Variants in TARS2 observed in about 807,000 individuals in gnomAD.
TARS2 encodes threonine--tRNA ligase, mitochondrial.
Under a neutral mutation model 94.4 loss-of-function variants are expected in TARS2, and 61 were observed. The observed-to-expected ratio is 0.65, with a 90% CI of 0.53 to 0.80. TARS2 has a LOEUF of 0.80. Among genes scored for constraint, TARS2 ranks in the 30% least tolerant of loss-of-function variants. TARS2 has a pLI of 0.00. For synonymous variants in TARS2, 359 were observed against 353.4 expected (o/e 1.02, Z -0.18); for missense variants, 704 against 902.5 (o/e 0.78, Z 2.82).
Position 150,497,005 on chromosome 1 carries a change from G to T in TARS2, c.1020+97G>T, listed in dbSNP as rs921361383. The T allele has an allele frequency of 5.3e-6, 6 of 1,141,856 alleles. No homozygotes were observed. The South Asian group carries it at 5.6e-5, about 11-fold the overall frequency. 70.7% of individuals were successfully genotyped at this position (1,141,856 alleles called of 1,614,324 possible). On this transcript the variant is annotated intron_variant, in intron 9 of 17. Transcript: ENST00000369064. ...GTGTTAAAAGATGGGGGTTGGGGCCGGGCACAGTGGCTCACATCTATAATC... is the reference window on the plus strand; with the variant it reads ...GTGTTAAAAGATGGGGGTTGGGGCCTGGCACAGTGGCTCACATCTATAATC...
At chr1:150,496,939 A>G in intron 9 of TARS2, 31 bp downstream of exon 9, 7 of 1,605,688 alleles carry the variant, frequency 4.4e-6, no homozygotes, top group Non-Finnish European at 6.0e-6. Context: ...AGGAAAGAAG[A>G]CCAGGGAGGG....
intron 7 of TARS2, 94 bp from the exon 8 acceptor site, chr1:150,496,388 G>GTGA: frequency 2.8e-6 from 4 of 1,443,190 alleles, no homozygotes; most frequent in Non-Finnish European, 3.7e-6. Flanking sequence ...AGGCATACCT[G>GTGA]TGACACTTAA....
At chr1:150,503,609 GTA>G (rs748011030) in intron 13 of TARS2, among the ~76,000 whole-genome samples, 3,759 of 131,332 alleles carry the variant, frequency 0.029, 111 homozygotes, top group Middle Eastern at 0.085. Flanking sequence ...GTGTATGTGT[GTA>G]TATATATGTG....
At chr1:150,503,603 AT>A (rs1560257380) in intron 13 of TARS2, among the ~76,000 whole-genome samples, 3 of 81,456 alleles carry the variant, frequency 3.7e-5, no homozygotes, top group Middle Eastern at 0.013. Flanking sequence ...GTGTGTGTGT[AT>A]GTGTGTATAT....
chr1:150,492,922 G>A (rs1401332024), intron 7 of TARS2, among the ~76,000 whole-genome samples: 2 of 148,832 alleles, frequency 1.3e-5, no homozygotes, highest in African/African-American at 2.5e-5. Flanking sequence ...TCTCTCGGTC[G>A]CCCAGGCTGG....
chr1:150,504,878 T>C (rs755805871), intron 15 of TARS2, 28 bp from the exon 16 acceptor site: 65 of 1,609,000 alleles, frequency 4.0e-5, no homozygotes, highest in Non-Finnish European at 5.4e-5. Flanking sequence ...AGTGACTAAT[T>C]TGCCATCACC....
chr1:150,493,228 A>G (rs981964871), intron 7 of TARS2, among the ~76,000 whole-genome samples: 1 of 152,050 alleles, frequency 6.6e-6, no homozygotes, highest in Non-Finnish European at 1.5e-5. Flanking sequence ...CCCACATTCT[A>G]AAAACCCGTT....
At chr1:150,492,230 C>T (rs1669428518) in intron 6 of TARS2, 181 bp from the exon 7 acceptor site, 2 of 572,486 alleles carry the variant, frequency 3.5e-6, no homozygotes, top group South Asian at 3.9e-5. Flanking sequence ...TCCCAAAGTT[C>T]TGGGATTATA....
At chr1:150,487,710 C>A in intron 1 of TARS2, 148 bp from the exon 2 acceptor site, 2 of 1,267,774 alleles carry the variant, frequency 1.6e-6, no homozygotes, top group South Asian at 1.4e-5. Flanking sequence ...CTCGAAGGAC[C>A]CCCAGCCTAG....
chr1:150,506,802 G>T, intron 17 of TARS2, 114 bp from the exon 18 acceptor site: 1 of 1,384,446 alleles, frequency 7.2e-7, no homozygotes. Context: ...CCATATCTGG[G>T]CTCTGCTCCC....
chr1:150,496,842 C>G lies in TARS2; in HGVS notation c.954C>G (p.Ser318Arg). ...AGCTCTTCTTCTTCCATGAACTGAG[C>G]CCTGGGAGCTGCTTCTTCCTGCCAC... ...EQELFFFHEL[S>R]PGSCFFLPRG... The change falls in exon 9 of 18, where the codon AGC becomes AGG. Residue 318 changes from serine to arginine, a missense_variant. This residue lies in a region of TARS2 where 466 missense variants were observed against 609.5 expected (regional missense o/e 0.76). Coordinates refer to ENST00000369064, the MANE Select transcript of TARS2 (RefSeq NM_025150.5). The G allele has an allele frequency of 6.2e-7, 1 of 1,614,018 alleles. No homozygotes were observed.
chr1:150,505,647 A>G lies in TARS2; in HGVS notation c.1950A>G (p.Gly650=). The G allele has an allele frequency of 1.2e-6, 2 of 1,614,134 alleles. No individual in the cohort carries two copies. Among genetic ancestry groups the G allele is most frequent in the Non-Finnish European group, 1.7e-6 (2 of 1,180,020 alleles). Reference sequence around the variant, plus strand: ...TCAGTGACCTGGATGCAGACTCTGGACTGACCCTCAGCCGGAGAATCCGCC... The same window carrying G: ...TCAGTGACCTGGATGCAGACTCTGGGCTGACCCTCAGCCGGAGAATCCGCC... ...GLVSDLDADS[G]LTLSRRIRRA... Residue 650 remains glycine, a synonymous_variant, in exon 17 of 18, where the codon GGA becomes GGG. Transcript: ENST00000369064.
chr1:150,501,403 C>T (rs950256585), intron 13 of TARS2, among the ~76,000 whole-genome samples: 5 of 147,052 alleles, frequency 3.4e-5, no homozygotes, highest in South Asian at 2.2e-4. Flanking sequence ...CTGCAAGCTC[C>T]GCCTCCTGGA....
At chr1:150,498,772 G>C (rs1335528986) in intron 11 of TARS2, 108 bp downstream of exon 11, 2 of 1,606,098 alleles carry the variant, frequency 1.2e-6, no homozygotes, top group African/African-American at 2.7e-5. Flanking sequence ...CTATAATTCA[G>C]CTACATTCTA....
intron 13 of TARS2, among the ~76,000 whole-genome samples, chr1:150,502,603 G>A (rs780672358): frequency 2.6e-5 from 4 of 152,014 alleles, no homozygotes; most frequent in Non-Finnish European, 5.9e-5. Context: ...TGGCCAGGCT[G>A]GTCTCGAACT....
In TARS2 at chr1:150,504,650, G is replaced by A. The variant is rs1670117554; in HGVS notation, c.1737G>A (p.Glu579=). ...TTTCAAGGCAGGCGGGTGCCCTGGA[G>A]CGTCCAGTCCTCATTCACCGAGCAG... The part of the protein sequence containing the change: ...LQYKGQAGAL[E]RPVLIHRAVL... Residue 579 remains glutamate, a synonymous_variant, in exon 15 of 18, where the codon GAG becomes GAA. Transcript: ENST00000369064. The A allele has an allele frequency of 1.9e-6, 3 of 1,614,126 alleles. No individual in the cohort carries two copies. The highest frequency in any genetic ancestry group is 2.5e-6 in the Non-Finnish European group (3 of 1,180,032).
Position 150,504,985 on chromosome 1 carries a change from AG to A in TARS2, c.1893+8del, listed in dbSNP as rs750881069. 1 of 1,613,856 alleles carries A rather than the reference AG, an allele frequency of 6.2e-7. No homozygotes were observed. The highest frequency in any genetic ancestry group is 8.5e-7 in the Non-Finnish European group (1 of 1,179,972). On this transcript the variant is annotated splice_region_variant and intron_variant, in intron 16 of 17. Coordinates refer to ENST00000369064, the MANE Select transcript of TARS2 (RefSeq NM_025150.5). ...AGAGGAATACGCCAAAGAGGTAAGG[AG>A]TTGAGGTAAGGGAGGGGGCAGAAGC...
At chr1:150,490,114 CTTTTT>C (rs772454527) in intron 3 of TARS2, among the ~76,000 whole-genome samples, 2 of 80,178 alleles carry the variant, frequency 2.5e-5, no homozygotes, top group Non-Finnish European at 4.5e-5. Flanking sequence ...TCTATTCAGT[CTTTTT>C]TTTTTTTTTT....
chr1:150,493,930 G>T (rs1402048186), intron 7 of TARS2, among the ~76,000 whole-genome samples: 1 of 152,192 alleles, frequency 6.6e-6, no homozygotes. Flanking sequence ...GCCAAGGTGG[G>T]TGGATCACTT....
Sources: allele counts gnomAD v4.1 joint callset (sites outside exome capture counted in the v4.1 genomes callset), GRCh38; gene constraint gnomAD v4.1.1; regional missense constraint gnomAD v4.1.1; transcripts MANE v1.5; gene names NCBI Gene and HGNC (gene_info 2026-07-23, HGNC 2026-07-21).